The following VAV2 variants were observed in gnomAD, a reference collection of about 807,000 sequenced individuals.
The protein encoded by VAV2 is vav guanine nucleotide exchange factor 2, also known as guanine nucleotide exchange factor VAV2.
A neutral mutation model predicts 132.5 loss-of-function variants in VAV2; 67 were observed. The observed-to-expected ratio is 0.51, with a 90% CI of 0.42 to 0.62. The LOEUF is 0.62. VAV2 is among the 20% of genes least tolerant of loss of function. The pLI is 0.00. For synonymous variants in VAV2, 492 were observed against 443.5 expected, an observed-to-expected ratio of 1.11 and a Z score of -1.37; for missense variants, 938 against 1,153.6, an observed-to-expected ratio of 0.81 and a Z score of 2.71.
Position 133,928,181 on chromosome 9 carries a change from GTGTGTGTGCGTGCATGTGTGTATGTC to G in VAV2, c.321+10896_321+10921del, listed in dbSNP as rs1840546899. ...GGGCTTACCGACTCCGTGTGTGTGT[GTGTGTGTGCGTGCATGTGTGTATGTC>G]TGTGTGTGTGCGTGCATGTGTGTGT... is the stretch of plus-strand genomic sequence containing the variant. On this transcript the variant is annotated intron_variant, in intron 2 of 29. Transcript: ENST00000371850. This position sits in a 1 kb window ranked among gnomAD's most constrained non-coding sequence, Gnocchi z 5.4. Among the ~76,000 whole-genome samples, 1 of 38,024 alleles carries G rather than the reference GTGTGTGTGCGTGCATGTGTGTATGTC, an allele frequency of 2.6e-5. No individual in the cohort carries two copies. The highest frequency in any genetic ancestry group is 1.4e-4 in the Non-Finnish European group (1 of 7,198). 24.9% of individuals were successfully genotyped at this position (38,024 alleles called of 152,430 possible).
At chr9:133,869,457 A>T (rs867934320) in intron 2 of VAV2, among the ~76,000 whole-genome samples, 1 of 99,422 alleles carries the variant, frequency 1.0e-5, no homozygotes. Context: ...AATAAAAAAA[A>T]AAAATAACCA....
At chr9:133,869,863 T>C (rs911137513) in intron 2 of VAV2, among the ~76,000 whole-genome samples, 13 of 152,318 alleles carry the variant, frequency 8.5e-5, no homozygotes, top group African/African-American at 2.9e-4. Context: ...CGGAGCCAAA[T>C]GGCAAGATTA....
chr9:133,873,593 C>T (rs1211444889), intron 2 of VAV2, among the ~76,000 whole-genome samples: 1 of 152,228 alleles, frequency 6.6e-6, no homozygotes, highest in Non-Finnish European at 1.5e-5. Flanking sequence ...TGAACACTGA[C>T]TGCCCACTGT....
At chr9:133,956,018 C>T (rs1327954387) in intron 1 of VAV2, among the ~76,000 whole-genome samples, 3 of 151,468 alleles carry the variant, frequency 2.0e-5, no homozygotes, top group Admixed American at 6.6e-5. Context: ...CCTGCTTACT[C>T]GCAGAGTCAA....
Position 133,782,806 on chromosome 9 carries a change from T to A in VAV2, c.1723+697A>T, listed in dbSNP as rs558929853. Among the ~76,000 whole-genome samples, 122 of 152,278 alleles carry A rather than the reference T, an allele frequency of 8.0e-4. 1 individual carries two copies. The South Asian group carries it at 0.025, about 31-fold the overall frequency. On this transcript the variant is annotated intron_variant, in intron 19 of 29. Coordinates refer to ENST00000371850, the MANE Select transcript of VAV2 (RefSeq NM_001134398.2). ...TCTGGGGCTGATGATGGAGGTGACA[T>A]CCTGATGTCTGAAACCTCTCAGGAG...
intron 2 of VAV2, among the ~76,000 whole-genome samples, chr9:133,903,621 G>A (rs752286629): frequency 5.3e-5 from 8 of 152,176 alleles, no homozygotes; most frequent in South Asian, 4.1e-4. Flanking sequence ...CCTCGGGTCC[G>A]GTGGCTCACA....
chr9:133,805,161 G>A (rs2131679846), intron 9 of VAV2, among the ~76,000 whole-genome samples: 1 of 152,242 alleles, frequency 6.6e-6, no homozygotes, highest in Non-Finnish European at 1.5e-5. Flanking sequence ...TCCTAGAGAT[G>A]AGGGAGAGAT....
rs554262545 is a variant in VAV2 at position 133,870,974 on chromosome 9, A to AGATG, written c.322-9546_322-9543dup. Among the ~76,000 whole-genome samples the AGATG allele has an allele frequency of 1.8e-3, 147 of 80,426 alleles. 1 individual carries two copies. The highest frequency in any genetic ancestry group is 2.7e-3 in the Non-Finnish European group (108 of 40,486). 52.8% of individuals were successfully genotyped at this position (80,426 alleles called of 152,430 possible). A position where few individuals can be genotyped will look rare whatever the true frequency, so the allele number is the denominator to read the frequency against. ...TGGGTAGACGGGTGGGTGGGTGGGT[A>AGATG]GATGGATGGATGGATGGATGGATAA... On this transcript the variant is annotated intron_variant, in intron 2 of 29. Coordinates refer to ENST00000371850, the MANE Select transcript of VAV2 (RefSeq NM_001134398.2).
chr9:133,859,529 T>C (rs1837514396), intron 3 of VAV2, among the ~76,000 whole-genome samples: 1 of 152,230 alleles, frequency 6.6e-6, no homozygotes, highest in Non-Finnish European at 1.5e-5. Context: ...TCTAATGGAT[T>C]TGGAGAAGAG....
chr9:133,854,095 G>A (rs1327471556), intron 3 of VAV2, among the ~76,000 whole-genome samples: 1 of 149,516 alleles, frequency 6.7e-6, no homozygotes, highest in Non-Finnish European at 1.5e-5. Flanking sequence ...ACCCCCATCT[G>A]CACATGCACA....
intron 2 of VAV2, among the ~76,000 whole-genome samples, chr9:133,881,677 G>A (rs761734057): frequency 3.0e-4 from 46 of 152,312 alleles, no homozygotes; most frequent in Middle Eastern, 3.4e-3. Flanking sequence ...ACAAGTGGCC[G>A]GGAACTTTGA....
In VAV2 at chr9:133,791,816, T is replaced by A; in HGVS notation, c.1155A>T (p.Lys385Asn). 1.2e-6 allele frequency: 2 copies of A among 1,614,170 alleles called. No homozygotes were observed. The highest frequency in any genetic ancestry group is 1.7e-6 in the Non-Finnish European group (2 of 1,180,042). ...CTATAGAACTCTGAAATTCGCTGAT[T>A]TTCCTCAAGGTCTCCTTGTCCCGTT... ...EVKRDKETLR[K>N]ISEFQSSIEN... The change falls in exon 13 of 30, where the codon AAA becomes AAT. Residue 385 changes from lysine (K) to asparagine (N), a missense_variant. By Grantham distance (94) the Lys-to-Asn change is moderately conservative. Transcript: ENST00000371850.
intron 4 of VAV2, among the ~76,000 whole-genome samples, chr9:133,822,802 A>C (rs1298138888): frequency 6.9e-6 from 1 of 145,144 alleles, no homozygotes; most frequent in Non-Finnish European, 1.5e-5. Context: ...TTCAGGAACC[A>C]AAAAAGAACA....
chr9:133,838,043 G>A (rs1314890316), intron 3 of VAV2, among the ~76,000 whole-genome samples: 8 of 152,152 alleles, frequency 5.3e-5, no homozygotes, highest in Non-Finnish European at 1.5e-5. Flanking sequence ...GTCAGGGACC[G>A]TGCACGGCCT....
At position 133,848,486 on chromosome 9, in the gene VAV2, A is replaced by G. The variant is rs143893792; in HGVS notation, c.380+12888T>C. On this transcript the variant is annotated intron_variant, in intron 3 of 29. Transcript: ENST00000371850. ...TTGACTGGCCAGCTTGTGAGTGTTC[A>G]AAGTAATTACAAGTTAAATTAATGC... is the stretch of plus-strand genomic sequence containing the variant. Among the ~76,000 whole-genome samples the G allele has an allele frequency of 6.3e-3, 958 of 152,308 alleles. 4 individuals carry two copies. Among genetic ancestry groups the G allele is most frequent in the Middle Eastern group, 0.014 (4 of 294 alleles).
chr9:133,796,050 G>A (rs1177564012), intron 11 of VAV2, among the ~76,000 whole-genome samples: 1 of 152,240 alleles, frequency 6.6e-6, no homozygotes, highest in Non-Finnish European at 1.5e-5. Flanking sequence ...GGCCTCGCAA[G>A]GTGCCGGGCA....
intron 2 of VAV2, among the ~76,000 whole-genome samples, chr9:133,907,930 C>G (rs1420600703): frequency 6.9e-6 from 1 of 144,680 alleles, no homozygotes; most frequent in African/African-American, 2.6e-5. Context: ...CCATGCCCCC[C>G]TTCCTTCACC....
intron 3 of VAV2, among the ~76,000 whole-genome samples, chr9:133,848,172 C>T (rs1351823906): frequency 2.7e-5 from 4 of 148,362 alleles, no homozygotes; most frequent in Non-Finnish European, 5.9e-5. Context: ...TCCAGCTACT[C>T]GGGAGGCTGA....
Position 133,992,063 on chromosome 9 carries a change from C to G in VAV2, c.204+12G>C, listed in dbSNP as rs746400041. 18 of 1,542,268 alleles carry G rather than the reference C, an allele frequency of 1.2e-5. No individual in the cohort carries two copies. The South Asian group carries it at 2.0e-4, about 17-fold the overall frequency. On this transcript the variant is annotated intron_variant, in intron 1 of 29. Transcript: ENST00000371850. The surrounding 1 kb of genome is among the most constrained non-coding windows in gnomAD (Gnocchi z 5.5). ...CGCCTCCCCGGGGCCCTCCCGCCCGCCGGGCGCTCACCTGGGACATCTGCG... is the reference window on the plus strand; with the variant it reads ...CGCCTCCCCGGGGCCCTCCCGCCCGGCGGGCGCTCACCTGGGACATCTGCG...
Sources: gnomAD v4.1 joint callset for allele counts (sites outside exome capture counted in the v4.1 genomes callset) on GRCh38, gnomAD v4.1.1 for gene constraint, Gnocchi (gnomAD v3.1) non-coding constraint, MANE v1.5 for transcripts, NCBI Gene and HGNC (gene_info 2026-07-23, HGNC 2026-07-21) for gene names.